TDRD3: variants seen among roughly 807,000 people sequenced by gnomAD.
The protein encoded by TDRD3 is tudor domain-containing protein 3.
Under a neutral mutation model 86.7 loss-of-function variants are expected in TDRD3, and 45 were observed. The ratio of observed to expected loss-of-function variants is 0.52; its 90% confidence interval spans 0.41 to 0.67. The LOEUF (loss-of-function observed/expected upper bound fraction) is 0.67. Ranked by LOEUF, TDRD3 falls within the 30% of genes least tolerant of loss-of-function variation. The probability of loss-of-function intolerance (pLI) is 0.00; values close to 1 mark genes in which losing one functional copy is unlikely to be tolerated. For missense variants in TDRD3, 814 were observed against 889.0 expected, an observed-to-expected ratio of 0.92 and a Z score of 1.07; for synonymous variants, 298 against 301.7, an observed-to-expected ratio of 0.99 and a Z score of 0.13.
chr13:60,445,744 C>T (rs1955382649), intron 3 of TDRD3, among the ~76,000 whole-genome samples: 1 of 152,170 alleles, frequency 6.6e-6, no homozygotes, highest in African/African-American at 2.4e-5. Flanking sequence ...GTGTTGAATG[C>T]AACAAATCTC....
intron 1 of TDRD3, among the ~76,000 whole-genome samples, chr13:60,404,555 C>G (rs1240655629): frequency 1.3e-5 from 2 of 151,776 alleles, no homozygotes; most frequent in Non-Finnish European, 2.9e-5. Flanking sequence ...CGTGATCCGC[C>G]CGCCTCGGCC....
chr13:60,527,899 T>G (rs1246126372), intron 10 of TDRD3, among the ~76,000 whole-genome samples: 1 of 152,172 alleles, frequency 6.6e-6, no homozygotes, highest in Admixed American at 6.5e-5. Flanking sequence ...CCAGAAAGAT[T>G]TGAAAAGAAA....
chr13:60,420,979 G>C (rs1462497510), intron 1 of TDRD3, among the ~76,000 whole-genome samples: 1 of 152,034 alleles, frequency 6.6e-6, no homozygotes, highest in East Asian at 1.9e-4. Context: ...TATTTTGTGG[G>C]TCTATATTGT....
At chr13:60,557,820 A>ATTTTTTTTTTTTTTTTTTT (rs749028045) in intron 12 of TDRD3, among the ~76,000 whole-genome samples, 16 of 88,284 alleles carry the variant, frequency 1.8e-4, no homozygotes, top group Non-Finnish European at 2.9e-4. Context: ...TTTTTTCCTG[A>ATTTTTTTTTTTTTTTTTTT]TTTTTTTTTT....
At position 60,397,533 on chromosome 13, in the gene TDRD3, G is replaced by C. The variant is rs866177405; in HGVS notation, c.41+128G>C. 8.6e-5 allele frequency: 58 copies of C among 674,652 alleles called. 1 individual carries two copies. In the South Asian group the frequency reaches 2.7e-3, roughly 32 times the overall value. 41.8% of individuals were successfully genotyped at this position (674,652 alleles called of 1,614,324 possible). On this transcript the variant is annotated intron_variant, in intron 1 of 13. Transcript: ENST00000377881. ...TGTCGTCCGCCCCCGGCCTCTCCCCGGGCCCTTCGGGCCGGCTCCGCCCCC... is the reference window on the plus strand; with the variant it reads ...TGTCGTCCGCCCCCGGCCTCTCCCCCGGCCCTTCGGGCCGGCTCCGCCCCC...
At chr13:60,464,689 G>A (rs1955880155) in intron 4 of TDRD3, among the ~76,000 whole-genome samples, 1 of 152,076 alleles carries the variant, frequency 6.6e-6, no homozygotes. Flanking sequence ...TGTATTAAGT[G>A]AAATAAACCA....
intron 11 of TDRD3, among the ~76,000 whole-genome samples, chr13:60,531,985 A>G (rs1957593032): frequency 6.6e-6 from 1 of 152,214 alleles, no homozygotes; most frequent in South Asian, 2.1e-4. Context: ...GTGCCAGGTG[A>G]TTGGGGCATA....
At chr13:60,401,737 T>C (rs1159990988) in intron 1 of TDRD3, among the ~76,000 whole-genome samples, 1 of 152,166 alleles carries the variant, frequency 6.6e-6, no homozygotes, top group Non-Finnish European at 1.5e-5. Context: ...AAGGTCTCCT[T>C]CTTACCTCTT....
At chr13:60,401,992 G>C (rs1457227466) in intron 1 of TDRD3, among the ~76,000 whole-genome samples, 3 of 152,208 alleles carry the variant, frequency 2.0e-5, no homozygotes, top group Non-Finnish European at 4.4e-5. Flanking sequence ...TTGCACTCTT[G>C]TATTCAAGGG....
intron 7 of TDRD3, among the ~76,000 whole-genome samples, chr13:60,488,085 CA>C (rs1272887965): frequency 6.6e-6 from 1 of 152,130 alleles, no homozygotes; most frequent in Non-Finnish European, 1.5e-5. Flanking sequence ...ATCACTGAGA[CA>C]ATGAGTGTTG....
chr13:60,451,507 G>GT (rs2138011151), intron 3 of TDRD3, among the ~76,000 whole-genome samples: 1 of 152,224 alleles, frequency 6.6e-6, no homozygotes, highest in African/African-American at 2.4e-5. Flanking sequence ...GACGGTTGTG[G>GT]TTGGCCATGG....
chr13:60,412,803 G>A (rs1397071766), intron 1 of TDRD3, among the ~76,000 whole-genome samples: 4 of 151,918 alleles, frequency 2.6e-5, no homozygotes, highest in South Asian at 2.1e-4. Flanking sequence ...TTACCTTATC[G>A]CAGTAGCTTT....
At chr13:60,396,100 T>A (rs1350545984), upstream of TDRD3, among the ~76,000 whole-genome samples, 1 of 152,098 alleles carries the variant, frequency 6.6e-6, no homozygotes, top group Admixed American at 6.5e-5. Flanking sequence ...TCCTCCCCAA[T>A]CCCAAGAGCG....
chr13:60,456,399 A>C (rs1444592600), intron 3 of TDRD3, among the ~76,000 whole-genome samples: 1 of 152,298 alleles, frequency 6.6e-6, no homozygotes, highest in East Asian at 1.9e-4. Context: ...ATGGCCTGAG[A>C]GAATATTTCT....
At chr13:60,498,253 C>A (rs1175845427) in intron 8 of TDRD3, among the ~76,000 whole-genome samples, 1 of 152,096 alleles carries the variant, frequency 6.6e-6, no homozygotes, top group Non-Finnish European at 1.5e-5. Flanking sequence ...TTTGAAGATG[C>A]CCTGTAATTG....
intron 12 of TDRD3, among the ~76,000 whole-genome samples, chr13:60,553,864 G>A (rs1958124578): frequency 6.6e-6 from 1 of 152,076 alleles, no homozygotes; most frequent in South Asian, 2.1e-4. Flanking sequence ...ATATCACAAT[G>A]TTACTAATAT....
At chr13:60,429,842 C>CTCTG (rs1566184686) in intron 1 of TDRD3, among the ~76,000 whole-genome samples, 1 of 152,044 alleles carries the variant, frequency 6.6e-6, no homozygotes, top group Non-Finnish European at 1.5e-5. Context: ...AAATTGTATT[C>CTCTG]TCTTTCTCAT....
intron 13 of TDRD3, among the ~76,000 whole-genome samples, chr13:60,572,428 G>A (rs555693836): frequency 1.8e-4 from 28 of 152,328 alleles, no homozygotes; most frequent in African/African-American, 5.0e-4. Context: ...CTGGATGTAG[G>A]ATGGATTATA....
At chr13:60,551,042 A>T (rs557598594) in intron 12 of TDRD3, among the ~76,000 whole-genome samples, 40 of 152,296 alleles carry the variant, frequency 2.6e-4, no homozygotes, top group African/African-American at 8.4e-4. Flanking sequence ...TATAAATTAT[A>T]TCTACTTTGT....
Sources: gnomAD v4.1 joint callset for allele counts (sites outside exome capture counted in the v4.1 genomes callset) on GRCh38, gnomAD v4.1.1 for gene constraint, MANE v1.5 for transcripts, NCBI Gene and HGNC (gene_info 2026-07-23, HGNC 2026-07-21) for gene names.